The following PCDHGB6 variants were observed in gnomAD, a reference collection of about 807,000 sequenced individuals.
PCDHGB6 encodes the protein protocadherin gamma-B6.
A neutral mutation model predicts 59.1 loss-of-function variants in PCDHGB6; 51 were observed. That is an observed-to-expected ratio of 0.86 (90% CI 0.69 to 1.09). The LOEUF is 1.09. Ranked by LOEUF, PCDHGB6 falls within the 50% of genes least tolerant of loss-of-function variation. PCDHGB6 has a pLI of 0.00. For missense variants in PCDHGB6, 1,148 were observed against 1,205.1 expected (o/e 0.95, Z 0.70); for synonymous variants, 466 against 495.1 (o/e 0.94, Z 0.78).
intron 1 of PCDHGB6, chr5:141,415,704 T>G: frequency 7.4e-7 from 1 of 1,344,464 alleles, no homozygotes; most frequent in Non-Finnish European, 1.0e-6. Flanking sequence ...GTGTAAATGC[T>G]AAAACACTGA....
chr5:141,441,289 T>C (rs1350801949), intron 1 of PCDHGB6: 1 of 152,212 alleles, frequency 6.6e-6, no homozygotes, highest in Non-Finnish European at 1.5e-5. Flanking sequence ...CGAGGTCACA[T>C]GTCTGATATA....
chr5:141,503,763 T>C (rs1014883264), intron 2 of PCDHGB6, among the ~76,000 whole-genome samples: 1 of 152,174 alleles, frequency 6.6e-6, no homozygotes, highest in Non-Finnish European at 1.5e-5. Context: ...ATGGCAGCCT[T>C]GTGTCTGTTC....
chr5:141,414,408 C>A (rs1190630924), intron 1 of PCDHGB6: 1 of 1,613,752 alleles, frequency 6.2e-7, no homozygotes, highest in Non-Finnish European at 8.5e-7. Context: ...TGGTGATACA[C>A]AGAGCCCTTG....
chr5:141,509,068 G>T (rs1267011061), intron 3 of PCDHGB6, among the ~76,000 whole-genome samples: 1 of 152,144 alleles, frequency 6.6e-6, no homozygotes, highest in Non-Finnish European at 1.5e-5. Context: ...TCTCAGCTCC[G>T]GGGATTTGCG....
At chr5:141,453,964 C>T (rs2098778500) in intron 1 of PCDHGB6, among the ~76,000 whole-genome samples, 1 of 152,296 alleles carries the variant, frequency 6.6e-6, no homozygotes, top group Non-Finnish European at 1.5e-5. Context: ...GACAGCAAAG[C>T]ATGTAGTTGT....
At chr5:141,464,278 G>GAAAA (rs2099080310) in intron 1 of PCDHGB6, among the ~76,000 whole-genome samples, 1 of 121,594 alleles carries the variant, frequency 8.2e-6, no homozygotes. Context: ...AAAAAAAAAA[G>GAAAA]CAAAAAAAAA....
intron 2 of PCDHGB6, among the ~76,000 whole-genome samples, chr5:141,496,767 T>C (rs2099771224): frequency 6.6e-6 from 1 of 152,040 alleles, no homozygotes; most frequent in Non-Finnish European, 1.5e-5. Flanking sequence ...ATCGAGCATC[T>C]ACTATGAGCA....
intron 3 of PCDHGB6, 86 bp downstream of exon 3, chr5:141,505,567 T>C: frequency 6.3e-7 from 1 of 1,599,440 alleles, no homozygotes; most frequent in South Asian, 1.1e-5. Flanking sequence ...ACGGACTGGA[T>C]GTCAAACCTG....
At position 141,486,837 on chromosome 5, in the gene PCDHGB6, T is replaced by G; in HGVS notation, c.2419-7970T>G. The G allele has an allele frequency of 6.2e-7, 1 of 1,614,256 alleles. No individual in the cohort carries two copies. The highest frequency in any genetic ancestry group is 8.5e-7 in the Non-Finnish European group (1 of 1,180,044). ...AGCACTGTAACAGTTCGTCTATTTG[T>G]GCTGGACCTCAATGACAATGCTCCA... On this transcript the variant is annotated intron_variant, in intron 1 of 3. Transcript: ENST00000520790. The surrounding 1 kb of genome is among the most constrained non-coding windows in gnomAD (Gnocchi z 5.0).
At chr5:141,452,760 G>C (rs920853226) in intron 1 of PCDHGB6, among the ~76,000 whole-genome samples, 1 of 152,120 alleles carries the variant, frequency 6.6e-6, no homozygotes, top group African/African-American at 2.4e-5. Context: ...AAGGAAGGGA[G>C]GGAGGGAAAA....
Position 141,410,100 on chromosome 5 carries a change from G to A in PCDHGB6, c.1898G>A (p.Gly633Asp). 1 of 1,612,736 alleles carries A rather than the reference G, an allele frequency of 6.2e-7. No individual in the cohort carries two copies. Among genetic ancestry groups the A allele is most frequent in the Non-Finnish European group, 8.5e-7 (1 of 1,179,682 alleles). Reference sequence around the variant, plus strand: ...GAGGTGCGCACGGCTCGAGCCTTAGGCGACAGGGACGCAGCCCGCCAGCGC... The same window carrying A: ...GAGGTGCGCACGGCTCGAGCCTTAGACGACAGGGACGCAGCCCGCCAGCGC... Reference protein sequence around the residue: ...TGEVRTARALGDRDAARQRLL... With the variant: ...TGEVRTARALDDRDAARQRLL... The change falls in exon 1 of 4, where the codon GGC becomes GAC. Residue 633 changes from glycine (G) to aspartate (D), a missense_variant. Around this residue, in one of 5 missense-constraint regions of PCDHGB6, gnomAD observed 549 missense variants for 527.5 expected, o/e 1.04. Transcript: ENST00000520790.
At chr5:141,504,476 A>G (rs998883721) in intron 2 of PCDHGB6, among the ~76,000 whole-genome samples, 4 of 152,016 alleles carry the variant, frequency 2.6e-5, no homozygotes, top group African/African-American at 9.7e-5. Context: ...GGATGGGAGT[A>G]CAGTGGAGGC....
chr5:141,478,652 G>A (rs188883724), intron 1 of PCDHGB6: 2 of 1,551,970 alleles, frequency 1.3e-6, no homozygotes, highest in East Asian at 2.4e-5. Flanking sequence ...TGTTTTCCTG[G>A]TGATGCATTC....
chr5:141,510,804 T>C (rs965530116), intron 3 of PCDHGB6, 143 bp from the exon 4 acceptor site: 2 of 1,504,768 alleles, frequency 1.3e-6, no homozygotes, highest in Admixed American at 2.0e-5. Flanking sequence ...AGAGACTACC[T>C]TGGTGACCCC....
chr5:141,505,590 A>G, intron 3 of PCDHGB6, 109 bp downstream of exon 3: 1 of 1,571,996 alleles, frequency 6.4e-7, no homozygotes, highest in East Asian at 2.3e-5. Context: ...TAGTTTCTCC[A>G]GATCTTTCGG....
chr5:141,494,925 G>T (rs936071950), intron 2 of PCDHGB6, 60 bp downstream of exon 2: 1 of 1,613,316 alleles, frequency 6.2e-7, no homozygotes. Flanking sequence ...GGGATGACGT[G>T]GGAGGAGATG....
intron 1 of PCDHGB6, among the ~76,000 whole-genome samples, chr5:141,467,116 A>T (rs981562543): frequency 2.0e-5 from 3 of 150,560 alleles, no homozygotes; most frequent in Non-Finnish European, 4.4e-5. Flanking sequence ...ACAATGGTGC[A>T]ATCTCAGCTC....
intron 1 of PCDHGB6, among the ~76,000 whole-genome samples, chr5:141,456,702 C>A (rs1185842343): frequency 6.6e-6 from 1 of 152,062 alleles, no homozygotes; most frequent in African/African-American, 2.4e-5. Flanking sequence ...TGGTGGCTCG[C>A]GCCTGTAATC....
intron 2 of PCDHGB6, among the ~76,000 whole-genome samples, chr5:141,500,942 C>T (rs937418207): frequency 2.0e-5 from 3 of 151,926 alleles, no homozygotes; most frequent in Non-Finnish European, 4.4e-5. Context: ...CATCTCGGCT[C>T]ACTGCAAGCT....
Sources: gnomAD v4.1 joint callset for allele counts (sites outside exome capture counted in the v4.1 genomes callset) on GRCh38, gnomAD v4.1.1 for gene constraint, gnomAD v4.1.1 regional missense constraint, Gnocchi (gnomAD v3.1) non-coding constraint, MANE v1.5 for transcripts, NCBI Gene and HGNC (gene_info 2026-07-23, HGNC 2026-07-21) for gene names.